The following ASMTL variants were observed in gnomAD, a reference collection of about 807,000 sequenced individuals.
ASMTL encodes acetylserotonin O-methyltransferase like.
A neutral mutation model predicts 60.3 loss-of-function variants in ASMTL; 57 were observed. The ratio of observed to expected loss-of-function variants is 0.95; its 90% CI spans 0.76 to 1.18. The LOEUF (loss-of-function observed/expected upper bound fraction) is 1.18. Among genes scored for constraint, ASMTL ranks in the 50% most tolerant of loss-of-function variants. The probability of loss-of-function intolerance (pLI) is 0.00; values close to 1 mark genes in which losing one functional copy is unlikely to be tolerated. For missense variants in ASMTL, 981 were observed against 852.6 expected, an observed-to-expected ratio of 1.15 and a Z score of -1.88; for synonymous variants, 419 against 373.0, an observed-to-expected ratio of 1.12 and a Z score of -1.42.
chrX:1,430,247 G>T (rs2090733517), intron 6 of ASMTL, among the ~76,000 whole-genome samples: 1 of 152,056 alleles, frequency 6.6e-6, no homozygotes, highest in Admixed American at 6.6e-5. Context: ...TCTGACCTCA[G>T]GTGATCCGCC....
intron 1 of ASMTL, among the ~76,000 whole-genome samples, chrX:1,444,316 C>A (rs1242010836): frequency 6.6e-6 from 1 of 151,378 alleles, no homozygotes; most frequent in Non-Finnish European, 1.5e-5. Flanking sequence ...TCAAGCGATT[C>A]TCCTGCCTCA....
At chrX:1,420,960 ATTT>A (rs57552675) in intron 9 of ASMTL, among the ~76,000 whole-genome samples, 184 of 135,474 alleles carry the variant, frequency 1.4e-3, no homozygotes, top group South Asian at 4.4e-3. Context: ...CTAATCGTTA[ATTT>A]TTTTTTTTTT....
rs762716158 is a variant in ASMTL, at chrX:1,416,250, CAG to C, written c.1522+1721_1522+1722del. Among the ~76,000 whole-genome samples, 378 of 149,924 alleles carry C rather than the reference CAG, an allele frequency of 2.5e-3. 1 individual carries two copies. Among genetic ancestry groups the C allele is most frequent in the Middle Eastern group, 0.011 (3 of 280 alleles). The stretch of plus-strand genomic sequence containing the variant: ...GCAGACATGCACAGATGGGCACAGA[CAG>C]ACACGCACGGACACACAGATACACC... On this transcript the variant is annotated intron_variant, in intron 11 of 12. Transcript: ENST00000381317.
At position 1,452,266 on chromosome X, in the gene ASMTL, C is replaced by G. The variant is rs1254213975; in HGVS notation, c.93+482G>C. On this transcript the variant is annotated intron_variant, in intron 1 of 12. Transcript: ENST00000381317. ...CCATCCCTAGGGGTCCCGGGTTACT[C>G]CCCCACCCCCATCCCTAGGGGGGGT... 4.3e-5 allele frequency among the ~76,000 whole-genome samples: 6 copies of G among 140,252 alleles called. No individual in the cohort carries two copies. In the South Asian group the frequency reaches 1.4e-3, roughly 32 times the overall value. 92.0% of individuals were successfully genotyped at this position (140,252 alleles called of 152,430 possible). A position where few individuals can be genotyped will look rare whatever the true frequency, so the allele number is the denominator to read the frequency against.
At chrX:1,424,365 C>CATCCACCCTCCCATCCATCT (rs759118760) in intron 8 of ASMTL, among the ~76,000 whole-genome samples, 83,609 of 130,302 alleles carry the variant, frequency 0.64, 28,051 homozygotes, top group South Asian at 0.84. Context: ...TATATCTGTT[C>CATCCACCCTCCCATCCATCT]ATCCACCCTC....
intron 8 of ASMTL, among the ~76,000 whole-genome samples, chrX:1,423,657 A>G (rs1343936684): frequency 7.0e-6 from 1 of 142,198 alleles, no homozygotes; most frequent in Non-Finnish European, 1.5e-5. Flanking sequence ...TCCCCCACCC[A>G]TCCAATCCAC....
At chrX:1,413,895 G>A (rs117301938) in intron 11 of ASMTL, 1 of 151,118 alleles carries the variant, frequency 6.6e-6, no homozygotes. Context: ...TCCTCCCCTA[G>A]AGCCTCTCAG....
At chrX:1,435,213 G>A (rs1310871299) in intron 4 of ASMTL, 130 bp from the exon 5 acceptor site, 31 of 975,752 alleles carry the variant, frequency 3.2e-5, no homozygotes, top group Middle Eastern at 2.6e-4. Flanking sequence ...TCTTCTCCCC[G>A]ATCGTCCCGC....
Position 1,439,138 on chromosome X carries a change from G to C in ASMTL, c.232C>G (p.Leu78Val). 2.5e-6 allele frequency: 4 copies of C among 1,614,010 alleles called. No individual in the cohort carries two copies. Among genetic ancestry groups the C allele is most frequent in the Admixed American group, 1.7e-5 (1 of 60,020 alleles). ...EVANRLYQKD[L>V]RAPDVVIGAD... ...CCAATGACCACGTCGGGGGCCCGCAGGTCTTTCTGTAAGAAAACCAGATTC... is the reference window on the plus strand; with the variant it reads ...CCAATGACCACGTCGGGGGCCCGCACGTCTTTCTGTAAGAAAACCAGATTC... The change falls in exon 3 of 13, where the codon CTG (leucine) becomes GTG (valine). Residue 78 changes from leucine (L) to valine (V), a missense_variant. Coordinates refer to ENST00000381317, the MANE Select transcript of ASMTL (RefSeq NM_004192.4).
At position 1,419,004 on chromosome X, in the gene ASMTL, G is replaced by T. The variant is rs1318264881; in HGVS notation, c.1356C>A (p.Phe452Leu). 1.9e-6 allele frequency: 3 copies of T among 1,611,878 alleles called. No homozygotes were observed. Among genetic ancestry groups the T allele is most frequent in the South Asian group, 1.1e-5 (1 of 90,976 alleles). ...QVATAFNLSRFSSACDVGGCT... is the reference protein window; with the variant it reads ...QVATAFNLSRLSSACDVGGCT... ...CACCTCCCACGTCGCAGGCGGAGGAGAAGCGGGACAGATTGAAGGCCGTGG... is the reference window on the plus strand; with the variant it reads ...CACCTCCCACGTCGCAGGCGGAGGATAAGCGGGACAGATTGAAGGCCGTGG... Residue 452 changes from phenylalanine to leucine, a missense_variant, in exon 10 of 13, where the codon TTC (phenylalanine) becomes TTA (leucine). Phe to Leu is a conservative substitution (Grantham distance 22). Transcript: ENST00000381317.
At chrX:1,428,646 C>CAAAT (rs1229272093) in intron 6 of ASMTL, among the ~76,000 whole-genome samples, 19,073 of 134,430 alleles carry the variant, frequency 0.14, 1,573 homozygotes, top group Middle Eastern at 0.23. Context: ...GACTCCGTCT[C>CAAAT]AAATAAATAA....
chrX:1,415,841 CACAG>C, intron 11 of ASMTL, among the ~76,000 whole-genome samples: 1 of 151,904 alleles, frequency 6.6e-6, no homozygotes, highest in East Asian at 1.9e-4. Context: ...CCCACGGACG[CACAG>C]ACACAGACAC....
Position 1,452,772 on chromosome X carries a change from G to T in ASMTL, c.69C>A (p.Arg23=). ...CCGCGTTGCTGAGGATCTCCTGACGGCGTGGGGAGGCGCTGGCCAGCACCA... is the reference window on the plus strand; with the variant it reads ...CCGCGTTGCTGAGGATCTCCTGACGTCGTGGGGAGGCGCTGGCCAGCACCA... The part of the protein sequence containing the change: ...KRVVLASASP[R]RQEILSNAGL... Residue 23 remains arginine (R), a synonymous_variant, in exon 1 of 13, where the codon CGC becomes CGA. Coordinates refer to ENST00000381317, the MANE Select transcript of ASMTL (RefSeq NM_004192.4). 2 of 1,595,484 alleles carry T rather than the reference G, an allele frequency of 1.3e-6. No individual in the cohort carries two copies. The highest frequency in any genetic ancestry group is 1.7e-6 in the Non-Finnish European group (2 of 1,176,820).
intron 1 of ASMTL, among the ~76,000 whole-genome samples, chrX:1,450,022 C>T (rs2091323050): frequency 6.6e-6 from 1 of 151,016 alleles, no homozygotes; most frequent in African/African-American, 2.4e-5. Flanking sequence ...TATCTCCCAT[C>T]ACCAGTAACT....
intron 4 of ASMTL, 45 bp downstream of exon 4, chrX:1,435,647 CTG>C (rs1278617801): frequency 6.3e-7 from 1 of 1,594,832 alleles, no homozygotes; most frequent in Non-Finnish European, 8.6e-7. Context: ...CACAGCTACT[CTG>C]TGGCTCAGAA....
intron 9 of ASMTL, among the ~76,000 whole-genome samples, chrX:1,419,892 TCTC>T (rs1309410164): frequency 6.6e-6 from 1 of 151,962 alleles, no homozygotes; most frequent in African/African-American, 2.4e-5. Context: ...CCTCTCGGCT[TCTC>T]CACCACTGGC....
intron 9 of ASMTL, among the ~76,000 whole-genome samples, chrX:1,421,137 G>C (rs1419059060): frequency 6.6e-6 from 1 of 151,052 alleles, no homozygotes; most frequent in Non-Finnish European, 1.5e-5. Context: ...TTTTTTTTTT[G>C]TATTTTTAGT....
chrX:1,453,504 G>A (rs1385348042), upstream of ASMTL: 1 of 156,488 alleles, frequency 6.4e-6, no homozygotes, highest in East Asian at 1.9e-4. Context: ...GGGTCCCGGG[G>A]AGGAAAGGCT....
In ASMTL at chrX:1,421,860, G is replaced by T; in HGVS notation, c.1061-18C>A. On this transcript the variant is annotated intron_variant, in intron 8 of 12. Coordinates refer to ENST00000381317, the MANE Select transcript of ASMTL (RefSeq NM_004192.4). Reference sequence around the variant, plus strand: ...ACTGTAACCTGGAGAAATGGGGACAGTCGTGTGACCTCCTAACGAGAAAAC... The same window carrying T: ...ACTGTAACCTGGAGAAATGGGGACATTCGTGTGACCTCCTAACGAGAAAAC... 6.2e-7 allele frequency: 1 copy of T among 1,613,194 alleles called. No individual in the cohort carries two copies. The highest frequency in any genetic ancestry group is 8.5e-7 in the Non-Finnish European group (1 of 1,179,196).
Sources: gnomAD v4.1 joint callset for allele counts (sites outside exome capture counted in the v4.1 genomes callset) on GRCh38, gnomAD v4.1.1 for gene constraint, MANE v1.5 for transcripts, NCBI Gene and HGNC (gene_info 2026-07-23, HGNC 2026-07-21) for gene names.